The following FAM53B variants were observed in gnomAD, a reference collection of about 807,000 sequenced individuals.
FAM53B encodes family with sequence similarity 53 member B.
Under a neutral mutation model 32.7 loss-of-function variants are expected in FAM53B, and 12 were observed. The ratio of observed to expected loss-of-function variants is 0.37; its 90% CI spans 0.24 to 0.59. FAM53B has a LOEUF of 0.59. FAM53B is among the 20% of genes least tolerant of loss of function. The probability of loss-of-function intolerance (pLI) is 0.72; values close to 1 mark genes in which losing one functional copy is unlikely to be tolerated. For synonymous variants in FAM53B, 234 were observed against 228.7 expected (o/e 1.02, Z -0.21); for missense variants, 477 against 577.7 (o/e 0.83, Z 1.79).
At chr10:124,636,053 G>C (rs565192910) in intron 4 of FAM53B, among the ~76,000 whole-genome samples, 2 of 152,132 alleles carry the variant, frequency 1.3e-5, no homozygotes, top group African/African-American at 4.8e-5. Flanking sequence ...TTTAATTTTC[G>C]AACACGTGAA....
intron 1 of FAM53B, among the ~76,000 whole-genome samples, chr10:124,707,396 C>T (rs1009739619): frequency 1.2e-4 from 18 of 152,178 alleles, no homozygotes; most frequent in Non-Finnish European, 2.9e-5. Flanking sequence ...CTTCTCCAAC[C>T]AGTTATGAAC....
rs113996852 is a variant in FAM53B, at chr10:124,631,389, C to T, written c.907-7785G>A. On this transcript the variant is annotated intron_variant, in intron 4 of 4. Coordinates refer to ENST00000337318, the MANE Select transcript of FAM53B (RefSeq NM_014661.4). ...ACCTAAAATCCCAGGCCTCTGAAGA[C>T]GGACCTAGGGCCAGCAGGCCCAGCC... Among the ~76,000 whole-genome samples, 1,320 of 152,300 alleles carry T rather than the reference C, an allele frequency of 8.7e-3. 14 individuals carry two copies. Among genetic ancestry groups the T allele is most frequent in the African/African-American group, 0.03 (1,241 of 41,550 alleles).
At position 124,641,144 on chromosome 10, in the gene FAM53B, C is replaced by T. The variant is rs138031746; in HGVS notation, c.907-17540G>A. Among the ~76,000 whole-genome samples, 45 of 152,334 alleles carry T rather than the reference C, an allele frequency of 3.0e-4. 1 individual carries two copies. The East Asian group carries it at 8.5e-3, about 29-fold the overall frequency. ...GTCCAGAGTCCCGGGCAGCCTCCAA[C>T]GGACCCCGACTGGCTCTCATCCAGT... On this transcript the variant is annotated intron_variant, in intron 4 of 4. Coordinates refer to ENST00000337318, the MANE Select transcript of FAM53B (RefSeq NM_014661.4).
intron 2 of FAM53B, among the ~76,000 whole-genome samples, chr10:124,706,005 C>T (rs1052464521): frequency 9.8e-5 from 15 of 152,312 alleles, no homozygotes; most frequent in Non-Finnish European, 1.9e-4. Context: ...AGGGGAGCAG[C>T]CTGCACTCAC....
chr10:124,730,824 G>A (rs1374660339), intron 1 of FAM53B, among the ~76,000 whole-genome samples: 1 of 152,220 alleles, frequency 6.6e-6, no homozygotes, highest in Non-Finnish European at 1.5e-5. Context: ...GGAGTGCAGA[G>A]TATTCATGTG....
chr10:124,630,439 CA>C (rs1408795494), intron 4 of FAM53B, among the ~76,000 whole-genome samples: 1 of 152,162 alleles, frequency 6.6e-6, no homozygotes, highest in East Asian at 1.9e-4. Flanking sequence ...CGGGGGACAG[CA>C]TCATGCCCAG....
chr10:124,721,253 A>C (rs187101466), intron 1 of FAM53B, among the ~76,000 whole-genome samples: 1 of 152,348 alleles, frequency 6.6e-6, no homozygotes, highest in South Asian at 2.1e-4. Flanking sequence ...ATGGGTGCAA[A>C]GTCACCCTGC....
At chr10:124,634,565 T>C (rs1328229493) in intron 4 of FAM53B, among the ~76,000 whole-genome samples, 3 of 152,254 alleles carry the variant, frequency 2.0e-5, no homozygotes, top group Non-Finnish European at 4.4e-5. Context: ...CCTGCCGCCA[T>C]GTGAAGAAGG....
intron 3 of FAM53B, among the ~76,000 whole-genome samples, chr10:124,690,823 G>A (rs1030364083): frequency 1.3e-5 from 2 of 152,082 alleles, no homozygotes; most frequent in South Asian, 2.1e-4. Context: ...ACATATGGAT[G>A]TAATTTTTTT....
chr10:124,696,825 A>G (rs1418082538), intron 2 of FAM53B, among the ~76,000 whole-genome samples: 1 of 152,204 alleles, frequency 6.6e-6, no homozygotes, highest in Non-Finnish European at 1.5e-5. Flanking sequence ...TGGTCTCAAC[A>G]TAACAGCTAT....
chr10:124,710,520 G>A lies in FAM53B; in HGVS notation c.-174-3633C>T, dbSNP rs972756908. 2.0e-5 allele frequency among the ~76,000 whole-genome samples: 3 copies of A among 152,222 alleles called. No individual in the cohort carries two copies. In the East Asian group the frequency reaches 5.8e-4, roughly 29 times the overall value. On this transcript the variant is annotated intron_variant, in intron 1 of 4. Transcript: ENST00000337318. ...ACTTCACTGGGGAATGCCAGGACCA[G>A]GCCGGAGACTTCGAGCCCAGTCTGC...
intron 1 of FAM53B, 92 bp from the exon 2 acceptor site, chr10:124,706,979 G>A: frequency 8.3e-7 from 1 of 1,201,586 alleles, no homozygotes; most frequent in Non-Finnish European, 1.1e-6. Context: ...AAATCCCAGG[G>A]GACTGGAACC....
chr10:124,641,382 C>A (rs530385241), intron 4 of FAM53B, among the ~76,000 whole-genome samples: 2 of 152,238 alleles, frequency 1.3e-5, no homozygotes, highest in Non-Finnish European at 2.9e-5. Context: ...CAGGACAGGG[C>A]CCCAGCCTCT....
chr10:124,706,218 C>T (rs140073278), intron 2 of FAM53B, among the ~76,000 whole-genome samples: 107 of 152,304 alleles, frequency 7.0e-4, no homozygotes, highest in African/African-American at 2.5e-3. Context: ...CCATCATCTC[C>T]CACTCTCGAC....
intron 4 of FAM53B, among the ~76,000 whole-genome samples, chr10:124,634,994 A>G (rs1949419187): frequency 6.6e-6 from 1 of 152,260 alleles, no homozygotes; most frequent in Non-Finnish European, 1.5e-5. Context: ...AGAACAAATT[A>G]GTAATAAATA....
chr10:124,630,820 A>C (rs1389009653), intron 4 of FAM53B, among the ~76,000 whole-genome samples: 1 of 152,188 alleles, frequency 6.6e-6, no homozygotes, highest in African/African-American at 2.4e-5. Flanking sequence ...GAGGCCAACA[A>C]ATGTGTACTG....
At chr10:124,741,499 G>T (rs1471004580) in intron 1 of FAM53B, among the ~76,000 whole-genome samples, 1 of 152,178 alleles carries the variant, frequency 6.6e-6, no homozygotes, top group African/African-American at 2.4e-5. Context: ...TTTAAACACA[G>T]CTCTCTCCTC....
intron 1 of FAM53B, among the ~76,000 whole-genome samples, chr10:124,725,777 A>G (rs1345048261): frequency 6.6e-6 from 1 of 152,236 alleles, no homozygotes; most frequent in Non-Finnish European, 1.5e-5. Context: ...TGAGAGTGTG[A>G]GGACAGCTTC....
intron 1 of FAM53B, among the ~76,000 whole-genome samples, chr10:124,723,795 A>C (rs911770516): frequency 6.6e-6 from 1 of 152,256 alleles, no homozygotes; most frequent in African/African-American, 2.4e-5. Flanking sequence ...GAGCCTCCAC[A>C]GAGAGCAAAA....
Sources: gnomAD v4.1 joint callset for allele counts (sites outside exome capture counted in the v4.1 genomes callset) on GRCh38, gnomAD v4.1.1 for gene constraint, MANE v1.5 for transcripts, NCBI Gene and HGNC (gene_info 2026-07-23, HGNC 2026-07-21) for gene names.